RBFOX1: variants seen among roughly 807,000 people sequenced by gnomAD.
The protein encoded by RBFOX1 is RNA binding protein fox-1 homolog 1.
RBFOX1 carries 8 observed loss-of-function variants against 57.7 expected under a neutral mutation model. That is an observed-to-expected ratio of 0.14 (90% CI 0.08 to 0.25). The LOEUF (loss-of-function observed/expected upper bound fraction) is 0.25, where lower values mean the gene tolerates loss of function less well. Among genes scored for constraint, RBFOX1 ranks in the 10% least tolerant of loss-of-function variants. The pLI is 1.00. For missense variants in RBFOX1, 611 were observed against 548.5 expected (o/e 1.11, Z -1.14); for synonymous variants, 326 against 222.4 (o/e 1.47, Z -4.15).
chr16:5,734,907 T>C (rs2052516931), intron 3 of RBFOX1, among the ~76,000 whole-genome samples: 1 of 152,132 alleles, frequency 6.6e-6, no homozygotes, highest in Non-Finnish European at 1.5e-5. Context: ...CTGTGATGAT[T>C]TTAAACACTT....
chr16:7,017,073 G>T lies in RBFOX1; in HGVS notation c.-15-34984G>T, dbSNP rs547003452. 2.0e-5 allele frequency among the ~76,000 whole-genome samples: 3 copies of T among 152,154 alleles called. No homozygotes were observed. The East Asian group carries it at 5.8e-4, about 30-fold the overall frequency. On this transcript the variant is annotated intron_variant, in intron 3 of 15. Coordinates refer to ENST00000550418, the MANE Select transcript of RBFOX1 (RefSeq NM_018723.4). Reference sequence around the variant, plus strand: ...TCTTTTTTTATTGTTCCATGTTGCTGTGAGCAGAACTCATTTTTCAAAAGA... The same window carrying T: ...TCTTTTTTTATTGTTCCATGTTGCTTTGAGCAGAACTCATTTTTCAAAAGA...
chr16:7,106,984 A>AAAAAAC (rs529197707), intron 4 of RBFOX1, among the ~76,000 whole-genome samples: 1,512 of 148,620 alleles, frequency 0.01, 10 homozygotes, highest in Non-Finnish European at 0.016. Context: ...ACACAGTTAA[A>AAAAAAC]ACACACACAC....
chr16:6,630,121 C>T (rs1407365328), intron 2 of RBFOX1, among the ~76,000 whole-genome samples: 2 of 152,060 alleles, frequency 1.3e-5, no homozygotes, highest in Non-Finnish European at 2.9e-5. Flanking sequence ...TGCTTGACAT[C>T]TCATTATTTT....
chr16:7,500,400 C>G (rs1220698783), intron 4 of RBFOX1, among the ~76,000 whole-genome samples: 1 of 152,138 alleles, frequency 6.6e-6, no homozygotes, highest in Non-Finnish European at 1.5e-5. Context: ...TCCCTTTGTT[C>G]TGATGAGAGG....
chr16:5,912,509 A>G (rs1042418071), intron 4 of RBFOX1, among the ~76,000 whole-genome samples: 1 of 152,114 alleles, frequency 6.6e-6, no homozygotes, highest in Non-Finnish European at 1.5e-5. Flanking sequence ...ACATCACACA[A>G]TAAGGGAAGA....
At chr16:7,441,403 G>A (rs1156385779) in intron 4 of RBFOX1, among the ~76,000 whole-genome samples, 1 of 152,186 alleles carries the variant, frequency 6.6e-6, no homozygotes, top group Non-Finnish European at 1.5e-5. Flanking sequence ...TTTGCTCTGA[G>A]AGATGATGTT....
chr16:5,825,192 C>G (rs1198578943), intron 3 of RBFOX1, among the ~76,000 whole-genome samples: 1 of 152,234 alleles, frequency 6.6e-6, no homozygotes, highest in Non-Finnish European at 1.5e-5. Flanking sequence ...GCTTCAAAAC[C>G]TTGCAAGCGT....
chr16:7,031,489 G>C (rs1157799735), intron 3 of RBFOX1, among the ~76,000 whole-genome samples: 1 of 151,984 alleles, frequency 6.6e-6, no homozygotes, highest in Non-Finnish European at 1.5e-5. Context: ...CTGGCTACTT[G>C]GGAGGCTGAG....
intron 14 of RBFOX1, among the ~76,000 whole-genome samples, chr16:7,707,754 G>A (rs563554079): frequency 6.6e-6 from 1 of 152,304 alleles, no homozygotes; most frequent in East Asian, 1.9e-4. Flanking sequence ...GCCTCTAGGT[G>A]GAACCTGCTG....
At chr16:5,486,439 G>A (rs1290886993) in intron 2 of RBFOX1, among the ~76,000 whole-genome samples, 1 of 152,214 alleles carries the variant, frequency 6.6e-6, no homozygotes, top group Non-Finnish European at 1.5e-5. Context: ...ATTCAACTCC[G>A]TCATTGTACA....
At position 7,001,296 on chromosome 16, in the gene RBFOX1, A is replaced by C. The variant is rs149262185; in HGVS notation, c.-15-50761A>C. ...GAGAGATTCCTTGCTTTGTGAGGTG[A>C]CAAGGTGTTCCTGGTCAACTTATGT... On this transcript the variant is annotated intron_variant, in intron 3 of 15. Coordinates refer to ENST00000550418, the MANE Select transcript of RBFOX1 (RefSeq NM_018723.4). Among the ~76,000 whole-genome samples, 33 of 152,134 alleles carry C rather than the reference A, an allele frequency of 2.2e-4. 1 individual carries two copies. The East Asian group carries it at 5.6e-3, about 26-fold the overall frequency.
intron 2 of RBFOX1, among the ~76,000 whole-genome samples, chr16:5,598,364 A>G (rs886177360): frequency 1.3e-5 from 2 of 152,198 alleles, no homozygotes; most frequent in African/African-American, 4.8e-5. Flanking sequence ...ACTGAGAAAC[A>G]TCCGGACCAG....
At chr16:7,419,925 C>CTTTTTTTTTTTTTTTTTTTT (rs367626244) in intron 4 of RBFOX1, among the ~76,000 whole-genome samples, 4 of 101,732 alleles carry the variant, frequency 3.9e-5, no homozygotes, top group Admixed American at 1.0e-4. Context: ...TTCTTTCTTC[C>CTTTTTTTTTTTTTTTTTTTT]TTTTTTTTTT....
chr16:7,189,194 C>T (rs9926831), intron 4 of RBFOX1, among the ~76,000 whole-genome samples: 2 of 151,344 alleles, frequency 1.3e-5, no homozygotes, highest in African/African-American at 2.4e-5. Context: ...GGGAGGCCGA[C>T]GTAGGTAGAT....
At chr16:7,544,400 T>C (rs995329877) in intron 5 of RBFOX1, among the ~76,000 whole-genome samples, 11 of 152,308 alleles carry the variant, frequency 7.2e-5, no homozygotes, top group African/African-American at 2.6e-4. Context: ...GAGATCTCAT[T>C]TGAAAGTAGA....
At chr16:6,870,824 G>A (rs137859425) in intron 3 of RBFOX1, among the ~76,000 whole-genome samples, 92 of 152,162 alleles carry the variant, frequency 6.0e-4, no homozygotes, top group African/African-American at 2.2e-3. Context: ...AGATTCTTAT[G>A]ACTTCTTGTC....
Position 5,457,513 on chromosome 16 carries a change from C to A in RBFOX1, c.220-9703C>A, listed in dbSNP as rs1478566458. On this transcript the variant is annotated intron_variant, in intron 1 of 2. Transcript: ENST00000585867. ...ATGAGCTGATCACCTCCCATTGGAC[C>A]CACCTCTGAAGAGCATCACATTGAG... 2.6e-5 allele frequency among the ~76,000 whole-genome samples: 4 copies of A among 152,154 alleles called. No individual in the cohort carries two copies. In the East Asian group the frequency reaches 7.7e-4, roughly 29 times the overall value.
intron 3 of RBFOX1, among the ~76,000 whole-genome samples, chr16:6,778,800 AT>A (rs2079829499): frequency 6.6e-6 from 1 of 151,970 alleles, no homozygotes; most frequent in East Asian, 1.9e-4. Flanking sequence ...CTTATAAATT[AT>A]TGATTGAACC....
intron 3 of RBFOX1, among the ~76,000 whole-genome samples, chr16:5,738,642 A>AAAAAAAAG (rs1280517766): frequency 6.6e-6 from 1 of 151,554 alleles, no homozygotes. Context: ...TCAGAAAAAA[A>AAAAAAAAG]AAAAAAAAAA....
Sources: gnomAD v4.1 joint callset for allele counts (sites outside exome capture counted in the v4.1 genomes callset) on GRCh38, gnomAD v4.1.1 for gene constraint, MANE v1.5 for transcripts, NCBI Gene and HGNC (gene_info 2026-07-23, HGNC 2026-07-21) for gene names.